Variants in RGS5 observed in about 807,000 individuals in gnomAD.
The protein encoded by RGS5 is regulator of G protein signaling 5.
A neutral mutation model predicts 18.9 loss-of-function variants in RGS5; 20 were observed. The ratio of observed to expected loss-of-function variants is 1.06; its 90% CI spans 0.74 to 1.54. RGS5 has a LOEUF of 1.54. RGS5 is among the 40% of genes most tolerant of loss of function. The probability of loss-of-function intolerance (pLI) is 0.00; values close to 1 mark genes in which losing one functional copy is unlikely to be tolerated. For synonymous variants in RGS5, 57 were observed against 76.2 expected (o/e 0.75, Z 1.31); for missense variants, 201 against 211.8 (o/e 0.95, Z 0.32).
chr1:163,320,189 A>G (rs1650150387), intron 1 of RGS5, among the ~76,000 whole-genome samples: 1 of 152,060 alleles, frequency 6.6e-6, no homozygotes, highest in South Asian at 2.1e-4. Flanking sequence ...TTTTTTCTAG[A>G]TTCTCAACGA....
At chr1:163,242,141 A>T (rs1647806300) in intron 2 of RGS5, among the ~76,000 whole-genome samples, 2 of 152,326 alleles carry the variant, frequency 1.3e-5, no homozygotes, top group South Asian at 4.1e-4. Context: ...TATAGATGAG[A>T]TCTATAAAAG....
chr1:163,157,742 T>C (rs1657643195), intron 3 of RGS5, among the ~76,000 whole-genome samples: 1 of 152,112 alleles, frequency 6.6e-6, no homozygotes, highest in South Asian at 2.1e-4. Context: ...GATTTGTTTT[T>C]ATAGCAACAG....
chr1:163,321,331 T>C (rs944037783), intron 1 of RGS5: 4 of 152,210 alleles, frequency 2.6e-5, no homozygotes, highest in African/African-American at 9.7e-5. Flanking sequence ...GCGAGAGGAT[T>C]TGACCAGATG....
At chr1:163,297,382 G>C (rs1649447060) in intron 2 of RGS5, among the ~76,000 whole-genome samples, 1 of 152,150 alleles carries the variant, frequency 6.6e-6, no homozygotes, top group Non-Finnish European at 1.5e-5. Context: ...AGTTATTTGT[G>C]TAGGAGAGCT....
intron 2 of RGS5, among the ~76,000 whole-genome samples, chr1:163,249,565 C>T (rs973894399): frequency 6.6e-6 from 1 of 152,178 alleles, no homozygotes; most frequent in Non-Finnish European, 1.5e-5. Flanking sequence ...CCAAGGCGAG[C>T]GGATCACCTG....
chr1:163,295,142 C>T (rs1649390917), intron 2 of RGS5, among the ~76,000 whole-genome samples: 1 of 152,184 alleles, frequency 6.6e-6, no homozygotes, highest in African/African-American at 2.4e-5. Flanking sequence ...CCAATCTCTG[C>T]ATTTTACCTA....
At chr1:163,282,090 T>C (rs1434805909) in intron 2 of RGS5, among the ~76,000 whole-genome samples, 2 of 151,926 alleles carry the variant, frequency 1.3e-5, no homozygotes, top group African/African-American at 2.4e-5. Context: ...CATATAGGAC[T>C]ATATCACACT....
chr1:163,313,997 ATATGTGTGTGTGTGTGTGTG>A (rs1360127035), intron 1 of RGS5, among the ~76,000 whole-genome samples: 23 of 149,600 alleles, frequency 1.5e-4, no homozygotes, highest in Middle Eastern at 6.8e-3. Context: ...AATAAGATAT[ATATGTGTGTGTGTGTGTGTG>A]TGTGTGTGTG....
intron 2 of RGS5, among the ~76,000 whole-genome samples, chr1:163,286,960 G>A (rs1413687515): frequency 2.0e-5 from 3 of 152,270 alleles, no homozygotes; most frequent in Non-Finnish European, 4.4e-5. Context: ...AAAGCAAAGT[G>A]TGTGAAGTGG....
At chr1:163,261,003 A>G (rs1201844676) in intron 2 of RGS5, among the ~76,000 whole-genome samples, 2 of 152,212 alleles carry the variant, frequency 1.3e-5, no homozygotes, top group African/African-American at 4.8e-5. Context: ...CTCAAGATAC[A>G]AATGAATGAA....
intron 2 of RGS5, among the ~76,000 whole-genome samples, chr1:163,165,615 G>A (rs1474343544): frequency 2.0e-5 from 3 of 152,088 alleles, no homozygotes; most frequent in Non-Finnish European, 4.4e-5. Context: ...TTTAAGAGTA[G>A]GTCAACTGGG....
At chr1:163,182,662 T>A (rs976257732) in intron 1 of RGS5, among the ~76,000 whole-genome samples, 4 of 152,198 alleles carry the variant, frequency 2.6e-5, no homozygotes, top group South Asian at 2.1e-4. Flanking sequence ...CTTTTGGCAA[T>A]TCATTTTGGA....
chr1:163,269,474 T>C (rs1292430621), intron 2 of RGS5, among the ~76,000 whole-genome samples: 4 of 152,180 alleles, frequency 2.6e-5, no homozygotes, highest in African/African-American at 9.7e-5. Context: ...AAAAAAATTC[T>C]GGTTGGGACA....
At chr1:163,319,912 C>A (rs1166392951) in intron 1 of RGS5, among the ~76,000 whole-genome samples, 1 of 152,310 alleles carries the variant, frequency 6.6e-6, no homozygotes, top group South Asian at 2.1e-4. Context: ...CTACCTTACA[C>A]TGACCAGTAT....
intron 1 of RGS5, among the ~76,000 whole-genome samples, chr1:163,189,130 A>C (rs1194703728): frequency 6.6e-6 from 1 of 152,146 alleles, no homozygotes; most frequent in Non-Finnish European, 1.5e-5. Flanking sequence ...CACTCACTGA[A>C]TATGCCTGTA....
At chr1:163,201,216 T>C (rs990489680) in intron 1 of RGS5, among the ~76,000 whole-genome samples, 3 of 152,122 alleles carry the variant, frequency 2.0e-5, no homozygotes, top group African/African-American at 7.2e-5. Flanking sequence ...GCAATTCTCA[T>C]AGTTGCAAAA....
At chr1:163,168,424 A>G in intron 1 of RGS5, 56 bp from the exon 2 acceptor site, 1 of 1,255,346 alleles carries the variant, frequency 8.0e-7, no homozygotes, top group Non-Finnish European at 1.2e-6. Flanking sequence ...ACAGATTTTA[A>G]GAAGAGATTT....
At chr1:163,229,829 C>T (rs1038123236) in intron 2 of RGS5, among the ~76,000 whole-genome samples, 20 of 152,196 alleles carry the variant, frequency 1.3e-4, no homozygotes, top group African/African-American at 4.8e-4. Flanking sequence ...TCTGATTACT[C>T]CCACTAACAT....
At chr1:163,236,586 A>G (rs1201842348) in intron 2 of RGS5, among the ~76,000 whole-genome samples, 3 of 152,130 alleles carry the variant, frequency 2.0e-5, no homozygotes, top group Admixed American at 2.0e-4. Flanking sequence ...ATATGAATCT[A>G]TATAGAAGAT....
Sources: gnomAD v4.1 joint callset for allele counts (sites outside exome capture counted in the v4.1 genomes callset) on GRCh38, gnomAD v4.1.1 for gene constraint, MANE v1.5 for transcripts, NCBI Gene and HGNC (gene_info 2026-07-23, HGNC 2026-07-21) for gene names.